Variants in COG5 observed in about 807,000 individuals in gnomAD.
The protein encoded by COG5 is component of oligomeric golgi complex 5.
In COG5, 86 loss-of-function variants were observed where a neutral mutation model predicts 110.4. That is an observed-to-expected ratio of 0.78 (90% CI 0.65 to 0.93). The LOEUF (loss-of-function observed/expected upper bound fraction) is 0.93. Among genes scored for constraint, COG5 ranks in the 40% least tolerant of loss-of-function variants. The pLI is 0.00. For synonymous variants in COG5, 360 were observed against 334.6 expected, an observed-to-expected ratio of 1.08 and a Z score of -0.83; for missense variants, 1,077 against 987.0, an observed-to-expected ratio of 1.09 and a Z score of -1.22.
chr7:107,473,466 T>C (rs573953460), intron 6 of COG5, among the ~76,000 whole-genome samples: 3 of 151,920 alleles, frequency 2.0e-5, no homozygotes, highest in Non-Finnish European at 4.4e-5. Flanking sequence ...TAACCCCAAA[T>C]ATCACCAAGC....
At chr7:107,435,902 T>C (rs557820573) in intron 6 of COG5, among the ~76,000 whole-genome samples, 10 of 152,142 alleles carry the variant, frequency 6.6e-5, no homozygotes, top group South Asian at 2.1e-4. Flanking sequence ...CAAATGTACA[T>C]TGATGAATGA....
chr7:107,413,888 G>A (rs1288472014), intron 6 of COG5, among the ~76,000 whole-genome samples: 1 of 152,150 alleles, frequency 6.6e-6, no homozygotes, highest in African/African-American at 2.4e-5. Flanking sequence ...ATACCTAGAT[G>A]GAGATACTAA....
At chr7:107,349,725 T>G (rs1053168221) in intron 10 of COG5, among the ~76,000 whole-genome samples, 1 of 152,118 alleles carries the variant, frequency 6.6e-6, no homozygotes, top group Non-Finnish European at 1.5e-5. Flanking sequence ...GCCCGGCTAA[T>G]TTTTTGTATT....
At chr7:107,246,559 T>G (rs1237869040) in intron 17 of COG5, among the ~76,000 whole-genome samples, 1 of 152,074 alleles carries the variant, frequency 6.6e-6, no homozygotes, top group Non-Finnish European at 1.5e-5. Flanking sequence ...GCAAAAGACA[T>G]GAACAGACAC....
chr7:107,563,556 G>GTCGA, intron 1 of COG5: 1 of 495,746 alleles, frequency 2.0e-6, no homozygotes, highest in Non-Finnish European at 3.6e-6. Flanking sequence ...GGGGGGGGGG[G>GTCGA]GGTCGAGTTG....
chr7:107,335,581 T>A (rs1050460792), intron 10 of COG5, among the ~76,000 whole-genome samples: 6 of 151,724 alleles, frequency 4.0e-5, no homozygotes, highest in Non-Finnish European at 5.9e-5. Context: ...AAACCAGAAA[T>A]AAACAACAAA....
At chr7:107,313,491 T>C (rs117548807) in intron 11 of COG5, among the ~76,000 whole-genome samples, 4 of 152,144 alleles carry the variant, frequency 2.6e-5, no homozygotes, top group Non-Finnish European at 5.9e-5. Flanking sequence ...ACAACTAATA[T>C]GTATTTTCTT....
intron 10 of COG5, among the ~76,000 whole-genome samples, chr7:107,331,888 C>T (rs530300490): frequency 1.4e-5 from 2 of 146,834 alleles, no homozygotes; most frequent in African/African-American, 5.1e-5. Flanking sequence ...GTTACCCAGG[C>T]TGGAGTACAG....
At chr7:107,464,974 C>T (rs1796212852) in intron 6 of COG5, among the ~76,000 whole-genome samples, 1 of 152,150 alleles carries the variant, frequency 6.6e-6, no homozygotes, top group Non-Finnish European at 1.5e-5. Flanking sequence ...CTAGCTACAA[C>T]CCCTTCCTGA....
In COG5 at chr7:107,226,062, TA is replaced by T. The variant is rs773520493; in HGVS notation, c.2168+4552del. 9.2e-5 allele frequency among the ~76,000 whole-genome samples: 14 copies of T among 151,544 alleles called. No individual in the cohort carries two copies. The East Asian group carries it at 2.5e-3, about 27-fold the overall frequency. On this transcript the variant is annotated intron_variant, in intron 19 of 21. Transcript: ENST00000297135. Reference sequence around the variant, plus strand: ...TCATCACACACACACAAAAAAACAATAAAAAAAATAGTAGAGGTCATACCAT... The same window carrying T: ...TCATCACACACACACAAAAAAACAATAAAAAAATAGTAGAGGTCATACCAT...
At chr7:107,512,841 C>T in intron 6 of COG5, among the ~76,000 whole-genome samples, 4 of 150,826 alleles carry the variant, frequency 2.7e-5, no homozygotes, top group Admixed American at 6.6e-5. Context: ...ACTGGCTAGC[C>T]ATATGTAGAA....
intron 12 of COG5, 79 bp downstream of exon 12, chr7:107,298,063 A>C (rs1046029521): frequency 1.6e-6 from 1 of 629,542 alleles, no homozygotes; most frequent in African/African-American, 1.9e-5. Context: ...TTTATAATTT[A>C]AAATAAAAAT....
intron 12 of COG5, among the ~76,000 whole-genome samples, chr7:107,285,027 A>T (rs550102687): frequency 6.6e-6 from 1 of 152,306 alleles, no homozygotes; most frequent in East Asian, 1.9e-4. Context: ...TGGCTCCAAC[A>T]TCATAATTCC....
chr7:107,433,252 T>C (rs1794146236), intron 6 of COG5, among the ~76,000 whole-genome samples: 1 of 152,196 alleles, frequency 6.6e-6, no homozygotes, highest in African/African-American at 2.4e-5. Context: ...ATTGTTAAGA[T>C]GTCAATACTA....
At position 107,349,045 on chromosome 7, in the gene COG5, A is replaced by G. The variant is rs1038985548; in HGVS notation, c.1026+12988T>C. ...CCTGGCTCTGGAGTTTTTAACATTGATCAATTCCTGAACAATGGATTGTAC... is the reference window on the plus strand; with the variant it reads ...CCTGGCTCTGGAGTTTTTAACATTGGTCAATTCCTGAACAATGGATTGTAC... On this transcript the variant is annotated intron_variant, in intron 10 of 21. Transcript: ENST00000297135. Among the ~76,000 whole-genome samples, 3 of 152,140 alleles carry G rather than the reference A, an allele frequency of 2.0e-5. No individual in the cohort carries two copies. In the South Asian group the frequency reaches 6.2e-4, roughly 32 times the overall value.
At chr7:107,340,070 T>A (rs948563694) in intron 10 of COG5, among the ~76,000 whole-genome samples, 1 of 151,366 alleles carries the variant, frequency 6.6e-6, no homozygotes. Context: ...AGACAAAGAA[T>A]TAATAAAACC....
rs190277386 is a variant in COG5, at chr7:107,527,130, T to C, written c.538+107A>G. ...GTATACAGCCAATTATTTAAAAATTTGTTTAATAGTACTTGCTAATGGTGA... is the reference window on the plus strand; with the variant it reads ...GTATACAGCCAATTATTTAAAAATTCGTTTAATAGTACTTGCTAATGGTGA... On this transcript the variant is annotated intron_variant, in intron 6 of 21. Transcript: ENST00000297135. The C allele has an allele frequency of 4.4e-4, 415 of 947,114 alleles. 3 individuals are homozygous for C. The African/African-American group carries it at 6.6e-3, about 15-fold the overall frequency. 58.7% of individuals were successfully genotyped at this position (947,114 alleles called of 1,614,324 possible).
chr7:107,243,444 T>C (rs559891151), intron 17 of COG5, among the ~76,000 whole-genome samples: 58 of 137,984 alleles, frequency 4.2e-4, no homozygotes, highest in African/African-American at 1.4e-3. Flanking sequence ...ACCCAGGAGG[T>C]AGACTTGCAG....
intron 18 of COG5, among the ~76,000 whole-genome samples, chr7:107,233,843 CT>C (rs1800953364): frequency 6.6e-6 from 1 of 152,020 alleles, no homozygotes; most frequent in African/African-American, 2.4e-5. Context: ...TTGACTGACC[CT>C]CGAAAAACAC....
Sources: gnomAD v4.1 joint callset for allele counts (sites outside exome capture counted in the v4.1 genomes callset) on GRCh38, gnomAD v4.1.1 for gene constraint, MANE v1.5 for transcripts, NCBI Gene and HGNC (gene_info 2026-07-23, HGNC 2026-07-21) for gene names.